Variants in ATP8B4 observed in about 807,000 individuals in gnomAD.
The protein encoded by ATP8B4 is probable phospholipid-transporting ATPase IM.
Under a neutral mutation model 145.6 loss-of-function variants are expected in ATP8B4, and 133 were observed. That is an observed-to-expected ratio of 0.91 (90% CI 0.79 to 1.05). The LOEUF (loss-of-function observed/expected upper bound fraction) is 1.05, where lower values mean the gene tolerates loss of function less well. Ranked by LOEUF, ATP8B4 falls within the 50% of genes least tolerant of loss-of-function variation. The pLI is 0.00. For synonymous variants in ATP8B4, 507 were observed against 492.9 expected (o/e 1.03, Z -0.38); for missense variants, 1,458 against 1,425.2 (o/e 1.02, Z -0.37).
chr15:49,881,584 A>C (rs1485434642), intron 23 of ATP8B4, among the ~76,000 whole-genome samples: 3 of 152,096 alleles, frequency 2.0e-5, no homozygotes, highest in African/African-American at 7.2e-5. Context: ...TGCAGCAGCT[A>C]CCTGAAGGAT....
chr15:49,960,212 A>T (rs2043948397), intron 14 of ATP8B4, among the ~76,000 whole-genome samples: 1 of 152,104 alleles, frequency 6.6e-6, no homozygotes, highest in African/African-American at 2.4e-5. Context: ...TTTTTAGTAC[A>T]GACGGGGTTT....
At chr15:50,044,786 T>C (rs923228960) in intron 4 of ATP8B4, 94 bp from the exon 5 acceptor site, 7 of 779,226 alleles carry the variant, frequency 9.0e-6, no homozygotes, top group African/African-American at 3.5e-5. Context: ...TGGGGTTATA[T>C]TGACTTATTT....
intron 23 of ATP8B4, chr15:49,896,088 T>G (rs1424777355): frequency 6.6e-6 from 1 of 152,220 alleles, no homozygotes; most frequent in Non-Finnish European, 1.5e-5. Context: ...GGAGGAATTA[T>G]GAGCATGCAA....
chr15:50,075,768 T>C (rs1382157439), intron 2 of ATP8B4, among the ~76,000 whole-genome samples: 2 of 152,214 alleles, frequency 1.3e-5, no homozygotes, highest in Non-Finnish European at 2.9e-5. Flanking sequence ...CCTGTCTTTC[T>C]TGCTGATGCC....
intron 15 of ATP8B4, 96 bp downstream of exon 15, chr15:49,933,921 C>G: frequency 7.5e-7 from 1 of 1,339,848 alleles, no homozygotes; most frequent in Non-Finnish European, 9.9e-7. Context: ...GCTCACTGCT[C>G]AAATGCTTAA....
At chr15:49,870,293 T>C (rs1349061222) in intron 25 of ATP8B4, among the ~76,000 whole-genome samples, 3 of 152,164 alleles carry the variant, frequency 2.0e-5, no homozygotes, top group African/African-American at 7.2e-5. Context: ...AATATGTGTG[T>C]ATGCGTCGTC....
chr15:49,875,085 C>T (rs1295400371), intron 25 of ATP8B4, among the ~76,000 whole-genome samples: 1 of 152,184 alleles, frequency 6.6e-6, no homozygotes, highest in African/African-American at 2.4e-5. Context: ...CAGTTTCACA[C>T]ACACACATCT....
intron 17 of ATP8B4, 24 bp from the exon 18 acceptor site, chr15:49,920,434 T>C (rs757334777): frequency 1.3e-6 from 2 of 1,581,936 alleles, no homozygotes; most frequent in East Asian, 2.2e-5. Context: ...CATAGACTCA[T>C]GAACCATCAA....
intron 1 of ATP8B4, among the ~76,000 whole-genome samples, chr15:50,140,652 A>T (rs1172090544): frequency 2.7e-5 from 1 of 36,486 alleles, no homozygotes; most frequent in Non-Finnish European, 5.5e-5. Context: ...CTGGATTCAA[A>T]ATATACAAAG....
At chr15:50,103,666 T>A (rs1260261061) in intron 2 of ATP8B4, among the ~76,000 whole-genome samples, 2 of 152,068 alleles carry the variant, frequency 1.3e-5, no homozygotes, top group African/African-American at 4.8e-5. Context: ...CCAAAAGCAA[T>A]CTACAAATTC....
intron 1 of ATP8B4, among the ~76,000 whole-genome samples, chr15:50,112,818 A>G (rs2057014259): frequency 6.6e-6 from 1 of 151,538 alleles, no homozygotes; most frequent in South Asian, 2.1e-4. Context: ...CTCTTACTCC[A>G]TCTCCTTCTC....
intron 25 of ATP8B4, among the ~76,000 whole-genome samples, chr15:49,870,468 T>TA (rs2033516801): frequency 6.6e-6 from 1 of 152,098 alleles, no homozygotes; most frequent in Non-Finnish European, 1.5e-5. Flanking sequence ...AATACTTTTT[T>TA]AAAAAAACAA....
chr15:49,966,032 C>A (rs1434455555), intron 13 of ATP8B4, among the ~76,000 whole-genome samples: 1 of 152,166 alleles, frequency 6.6e-6, no homozygotes, highest in Non-Finnish European at 1.5e-5. Context: ...GGAACTCCCT[C>A]CCCTAGCAAA....
intron 1 of ATP8B4, among the ~76,000 whole-genome samples, chr15:50,127,591 C>T (rs928390874): frequency 6.6e-6 from 1 of 152,172 alleles, no homozygotes; most frequent in African/African-American, 2.4e-5. Flanking sequence ...CAAATGTTGC[C>T]TTATACACAC....
intron 14 of ATP8B4, among the ~76,000 whole-genome samples, chr15:49,951,216 C>T (rs902172838): frequency 3.9e-5 from 6 of 152,210 alleles, no homozygotes; most frequent in Non-Finnish European, 7.3e-5. Context: ...ACTAGTTCCA[C>T]TTGATCCAGA....
chr15:49,940,021 A>G (rs1435854488), intron 14 of ATP8B4, among the ~76,000 whole-genome samples: 1 of 152,222 alleles, frequency 6.6e-6, no homozygotes, highest in Non-Finnish European at 1.5e-5. Flanking sequence ...CAGAACTACC[A>G]TTTAAGCCAA....
intron 2 of ATP8B4, among the ~76,000 whole-genome samples, chr15:50,081,853 C>T (rs544524973): frequency 6.6e-6 from 1 of 152,324 alleles, no homozygotes; most frequent in South Asian, 2.1e-4. Context: ...AAAACAGCCT[C>T]AGGCACTTGG....
At chr15:50,043,503 C>T (rs1394038125) in intron 5 of ATP8B4, among the ~76,000 whole-genome samples, 2 of 152,246 alleles carry the variant, frequency 1.3e-5, no homozygotes, top group South Asian at 4.1e-4. Context: ...AAACCAATCC[C>T]TCCTCTTCCT....
chr15:50,075,726 A>T (rs1197839755), intron 2 of ATP8B4, among the ~76,000 whole-genome samples: 1 of 152,210 alleles, frequency 6.6e-6, no homozygotes, highest in East Asian at 1.9e-4. Flanking sequence ...CACCTGAAGG[A>T]AACACCTCAA....
Sources: gnomAD v4.1 joint callset for allele counts (sites outside exome capture counted in the v4.1 genomes callset) on GRCh38, gnomAD v4.1.1 for gene constraint, MANE v1.5 for transcripts, NCBI Gene and HGNC (gene_info 2026-07-23, HGNC 2026-07-21) for gene names.